The following SMAD1 variants were observed in gnomAD, a reference collection of about 807,000 sequenced individuals.
The protein encoded by SMAD1 is SMAD family member 1, also known as MAD, mothers against decapentaplegic homolog 1.
Under a neutral mutation model 41.6 loss-of-function variants are expected in SMAD1, and 6 were observed. The ratio of observed to expected loss-of-function variants is 0.14; its 90% CI spans 0.08 to 0.28. SMAD1 has a LOEUF of 0.28. Ranked by LOEUF, SMAD1 falls within the 10% of genes least tolerant of loss-of-function variation. The pLI is 1.00. For missense variants in SMAD1, 379 were observed against 582.6 expected (o/e 0.65, Z 3.60); for synonymous variants, 206 against 203.2 (o/e 1.01, Z -0.12).
chr4:145,494,393 C>G (rs1406486344), intron 1 of SMAD1, among the ~76,000 whole-genome samples: 2 of 152,224 alleles, frequency 1.3e-5, no homozygotes, highest in African/African-American at 4.8e-5. Context: ...TGAGGATCTT[C>G]TAACTTTAAG....
chr4:145,557,727 C>T (rs1732922018), intron 6 of SMAD1, 64 bp from the exon 7 acceptor site: 2 of 1,297,758 alleles, frequency 1.5e-6, no homozygotes, highest in Non-Finnish European at 2.1e-6. Flanking sequence ...GTGAACTCTT[C>T]TTACTTAATA....
At chr4:145,488,684 A>G (rs1174443304) in intron 1 of SMAD1, among the ~76,000 whole-genome samples, 2 of 152,252 alleles carry the variant, frequency 1.3e-5, no homozygotes, top group African/African-American at 4.8e-5. Flanking sequence ...GTTTGTTTAG[A>G]TGGAAAAGAA....
At chr4:145,549,470 C>G (rs1183201031) in intron 5 of SMAD1, among the ~76,000 whole-genome samples, 2 of 152,184 alleles carry the variant, frequency 1.3e-5, no homozygotes, top group African/African-American at 4.8e-5. Flanking sequence ...CACACACATG[C>G]ACGGTGCGTG....
intron 1 of SMAD1, among the ~76,000 whole-genome samples, chr4:145,486,209 C>T (rs1444622972): frequency 6.6e-6 from 1 of 152,192 alleles, no homozygotes; most frequent in Non-Finnish European, 1.5e-5. Flanking sequence ...AAAAATAATG[C>T]TCATCTAAGC....
At position 145,558,864 on chromosome 4, in the gene SMAD1, A is replaced by G. The variant is rs534650632; in HGVS notation, c.*930A>G. 2.6e-5 allele frequency among the ~76,000 whole-genome samples: 4 copies of G among 152,302 alleles called. No homozygotes were observed. Among genetic ancestry groups the G allele is most frequent in the South Asian group, 4.1e-4 (2 of 4,824 alleles). On this transcript the variant is annotated 3_prime_UTR_variant, in exon 7 of 7. Transcript: ENST00000302085. ...GCCTACATGTTTCAATACCAGTTAT[A>G]TGGAGTGCTTGAATTTAATAAGCAG...
intron 2 of SMAD1, among the ~76,000 whole-genome samples, chr4:145,515,740 A>G (rs1730346898): frequency 6.6e-6 from 1 of 152,216 alleles, no homozygotes; most frequent in Admixed American, 6.5e-5. Context: ...GAAAGTGATT[A>G]GATATTCAAG....
intron 2 of SMAD1, among the ~76,000 whole-genome samples, chr4:145,524,965 T>A (rs140040103): frequency 6.6e-6 from 1 of 152,342 alleles, no homozygotes; most frequent in Non-Finnish European, 1.5e-5. Context: ...TATTCCCACA[T>A]GTGGATCATC....
At position 145,514,019 on chromosome 4, in the gene SMAD1, T is replaced by C. The variant is rs561406944; in HGVS notation, c.-176-419T>C. Among the ~76,000 whole-genome samples the C allele has an allele frequency of 1.3e-5, 2 of 152,126 alleles. No homozygotes were observed. Among genetic ancestry groups the C allele is most frequent in the African/African-American group, 2.4e-5 (1 of 41,416 alleles). ...GACTGGGTGGCTTAAATAACAGAAATAGATTTTCTCTTTGTTCTGGAGTCT... is the reference window on the plus strand; with the variant it reads ...GACTGGGTGGCTTAAATAACAGAAACAGATTTTCTCTTTGTTCTGGAGTCT... On this transcript the variant is annotated intron_variant, in intron 1 of 6. Coordinates refer to ENST00000302085, the MANE Select transcript of SMAD1 (RefSeq NM_005900.3). This position sits in a 1 kb window ranked among gnomAD's most constrained non-coding sequence, Gnocchi z 4.7.
intron 6 of SMAD1, among the ~76,000 whole-genome samples, chr4:145,556,319 A>T (rs1022946166): frequency 6.6e-6 from 1 of 152,214 alleles, no homozygotes; most frequent in Non-Finnish European, 1.5e-5. Context: ...AAACCTGCAC[A>T]TAAGCCTGTA....
At chr4:145,526,642 C>T (rs1002275188) in intron 2 of SMAD1, among the ~76,000 whole-genome samples, 1 of 151,262 alleles carries the variant, frequency 6.6e-6, no homozygotes, top group African/African-American at 2.4e-5. Flanking sequence ...AATTATAAAC[C>T]ACTGGGAGAA....
At chr4:145,524,505 G>T (rs1730924334) in intron 2 of SMAD1, among the ~76,000 whole-genome samples, 1 of 152,088 alleles carries the variant, frequency 6.6e-6, no homozygotes, top group South Asian at 2.1e-4. Flanking sequence ...AATGTGATTT[G>T]TTTCTGGGCA....
intron 2 of SMAD1, among the ~76,000 whole-genome samples, chr4:145,533,307 A>G (rs1364255455): frequency 6.6e-6 from 1 of 152,262 alleles, no homozygotes; most frequent in Non-Finnish European, 1.5e-5. Context: ...GAAATTGACA[A>G]GAGTCACCTA....
In SMAD1 at chr4:145,519,489, A is replaced by AT. The variant is rs1349596073; in HGVS notation, c.400+4490dup. ...AGCAACATAGCAAGACCCCGTCTTA[A>AT]TTTTTTTTTTTTTTAATTAGCGAGG... On this transcript the variant is annotated intron_variant, in intron 2 of 6. Transcript: ENST00000302085. Among the ~76,000 whole-genome samples the AT allele has an allele frequency of 2.3e-3, 333 of 143,784 alleles. 1 individual carries two copies. The Middle Eastern group carries it at 0.029, about 13-fold the overall frequency. The allele number at this position is 143,784 out of a possible 152,430, so 94.3% of individuals were successfully genotyped here. A position where few individuals can be genotyped will look rare whatever the true frequency, so the allele number is the denominator to read the frequency against.
At chr4:145,552,214 C>G (rs371920529) in intron 5 of SMAD1, among the ~76,000 whole-genome samples, 12 of 152,204 alleles carry the variant, frequency 7.9e-5, no homozygotes, top group African/African-American at 2.9e-4. Context: ...AGCACACACA[C>G]TCTTAAATTG....
chr4:145,556,047 G>T (rs1421683100), intron 6 of SMAD1, among the ~76,000 whole-genome samples: 2 of 152,182 alleles, frequency 1.3e-5, no homozygotes, highest in Non-Finnish European at 2.9e-5. Context: ...TGCATACTTT[G>T]TCCTCTCCCA....
chr4:145,539,671 C>G lies in SMAD1; in HGVS notation c.401-133C>G, dbSNP rs982916995. 6.1e-6 allele frequency: 5 copies of G among 822,540 alleles called. No individual in the cohort carries two copies. The African/African-American group carries it at 8.6e-5, about 14-fold the overall frequency. 51.0% of individuals were successfully genotyped at this position (822,540 alleles called of 1,614,324 possible). A position where few individuals can be genotyped will look rare whatever the true frequency, so the allele number is the denominator to read the frequency against. On this transcript the variant is annotated intron_variant, in intron 2 of 6. Coordinates refer to ENST00000302085, the MANE Select transcript of SMAD1 (RefSeq NM_005900.3). Reference sequence around the variant, plus strand: ...AAAATAGCTTTTCATTTGAATGATGCTTTTGAGTTGGCAGCAGGACAGGGA... The same window carrying G: ...AAAATAGCTTTTCATTTGAATGATGGTTTTGAGTTGGCAGCAGGACAGGGA...
chr4:145,483,285 G>A (rs1046432391), intron 1 of SMAD1: 3 of 152,122 alleles, frequency 2.0e-5, no homozygotes, highest in African/African-American at 7.2e-5. Flanking sequence ...CATGATTTCT[G>A]TTATTTCTTC....
At chr4:145,485,352 A>G (rs1728431702) in intron 1 of SMAD1, among the ~76,000 whole-genome samples, 1 of 152,228 alleles carries the variant, frequency 6.6e-6, no homozygotes, top group African/African-American at 2.4e-5. Flanking sequence ...TTGGGGTTAC[A>G]GGTGTGAGCC....
At chr4:145,529,740 A>C (rs1731222381) in intron 2 of SMAD1, among the ~76,000 whole-genome samples, 1 of 152,248 alleles carries the variant, frequency 6.6e-6, no homozygotes, top group African/African-American at 2.4e-5. Context: ...AATTTGACTT[A>C]AGATGAGAAA....
Sources: allele counts gnomAD v4.1 joint callset (sites outside exome capture counted in the v4.1 genomes callset), GRCh38; gene constraint gnomAD v4.1.1; non-coding constraint Gnocchi (gnomAD v3.1); transcripts MANE v1.5; gene names NCBI Gene and HGNC (gene_info 2026-07-23, HGNC 2026-07-21).